Variants in MTHFD1 observed in about 807,000 individuals in gnomAD.
MTHFD1 encodes methylenetetrahydrofolate dehydrogenase, cyclohydrolase and formyltetrahydrofolate synthetase 1.
Under a neutral mutation model 110.3 loss-of-function variants are expected in MTHFD1, and 44 were observed. The ratio of observed to expected loss-of-function variants is 0.40; its 90% CI spans 0.31 to 0.51. MTHFD1 has a LOEUF of 0.51. MTHFD1 is among the 20% of genes least tolerant of loss of function. The probability of loss-of-function intolerance (pLI) is 0.60; values close to 1 mark genes in which losing one functional copy is unlikely to be tolerated. For synonymous variants in MTHFD1, 402 were observed against 428.8 expected (o/e 0.94, Z 0.77); for missense variants, 909 against 1,173.1 (o/e 0.77, Z 3.29).
intron 8 of MTHFD1, chr14:64,424,350 T>C (rs1232389431): frequency 4.7e-6 from 1 of 214,702 alleles, no homozygotes. Context: ...GGATGTTGAA[T>C]TGTTCCTCCA....
intron 17 of MTHFD1, 116 bp from the exon 18 acceptor site, chr14:64,440,010 T>C: frequency 1.2e-6 from 1 of 861,956 alleles, no homozygotes. Context: ...TATTCTGTTA[T>C]TCTATCCTTT....
chr14:64,453,014 A>G (rs902193399), intron 24 of MTHFD1, among the ~76,000 whole-genome samples: 5 of 151,976 alleles, frequency 3.3e-5, no homozygotes, highest in Non-Finnish European at 5.9e-5. Flanking sequence ...ATGAGCCACC[A>G]TACCCAGCCT....
chr14:64,409,894 C>T (rs943770166), intron 2 of MTHFD1, among the ~76,000 whole-genome samples: 5 of 152,192 alleles, frequency 3.3e-5, no homozygotes, highest in South Asian at 2.1e-4. Context: ...TTACAAAAGC[C>T]GGCTTCTTTC....
chr14:64,412,525 G>A lies in MTHFD1; in HGVS notation c.240G>A (p.Glu80=), dbSNP rs774367364. The A allele has an allele frequency of 6.2e-7, 1 of 1,612,568 alleles. No individual in the cohort carries two copies. Among genetic ancestry groups the A allele is most frequent in the Non-Finnish European group, 8.5e-7 (1 of 1,178,630 alleles). The change falls in exon 4 of 28, where the codon GAG becomes GAA. Residue 80 remains glutamate (E), a splice_region_variant and synonymous_variant. Transcript: ENST00000652337. Reference sequence around the variant, plus strand: ...TACCAAGAACAACCACAGAATCTGAGGTGAGCTTTTATGAGTTGATTGTGA... The same window carrying A: ...TACCAAGAACAACCACAGAATCTGAAGTGAGCTTTTATGAGTTGATTGTGA... The part of the protein sequence containing the change: ...IKLPRTTTES[E]VMKYITSLNE...
intron 23 of MTHFD1, 39 bp downstream of exon 23, chr14:64,448,356 A>G (rs781063644): frequency 6.9e-7 from 1 of 1,440,808 alleles, no homozygotes; most frequent in South Asian, 1.1e-5. Context: ...GAATGTGGAA[A>G]ATCTCCTGGA....
intron 1 of MTHFD1, among the ~76,000 whole-genome samples, chr14:64,394,621 C>T (rs1328301613): frequency 6.7e-6 from 1 of 150,368 alleles, no homozygotes; most frequent in African/African-American, 2.4e-5. Context: ...TGAGAGGTCC[C>T]AGGAGATAAG....
intron 22 of MTHFD1, 38 bp from the exon 23 acceptor site, chr14:64,448,177 ACT>A (rs749470976): frequency 2.7e-6 from 4 of 1,464,936 alleles, no homozygotes; most frequent in Non-Finnish European, 2.9e-6. Context: ...GTGGTTTTCA[ACT>A]CTCTGATCTC....
At chr14:64,430,458 T>C (rs1171614082) in intron 13 of MTHFD1, among the ~76,000 whole-genome samples, 1 of 152,032 alleles carries the variant, frequency 6.6e-6, no homozygotes, top group African/African-American at 2.4e-5. Context: ...ACCACCACGC[T>C]CAGCTAATTT....
chr14:64,392,475 C>G (rs1328294871), intron 1 of MTHFD1, among the ~76,000 whole-genome samples: 3 of 152,170 alleles, frequency 2.0e-5, no homozygotes, highest in Non-Finnish European at 4.4e-5. Flanking sequence ...TAAGCCTGCT[C>G]TCTCCATTGG....
At chr14:64,432,399 T>C (rs943127644) in intron 15 of MTHFD1, among the ~76,000 whole-genome samples, 1 of 152,238 alleles carries the variant, frequency 6.6e-6, no homozygotes, top group Non-Finnish European at 1.5e-5. Context: ...AAATGAAAAC[T>C]CTGTTCACAT....
chr14:64,439,271 G>A (rs2078230079), intron 17 of MTHFD1, 99 bp downstream of exon 17: 3 of 880,158 alleles, frequency 3.4e-6, no homozygotes, highest in Non-Finnish European at 5.6e-6. Context: ...ATACTGCCAG[G>A]TGTTGTTCTG....
rs373682324 is a variant in MTHFD1, at chr14:64,411,154, C to T, written c.186+5C>T. On this transcript the variant is annotated splice_donor_5th_base_variant and intron_variant, in intron 3 of 27. Coordinates refer to ENST00000652337, the MANE Select transcript of MTHFD1 (RefSeq NM_005956.4). ...AAGCTGAAGGCTGCTGAAGAGGTAA[C>T]GCCAGAAGAGCTGTGCCATCACCCT... The T allele has an allele frequency of 7.4e-5, 119 of 1,610,738 alleles. No homozygotes were observed. The highest frequency in any genetic ancestry group is 8.8e-5 in the South Asian group (8 of 91,048).
At chr14:64,389,935 T>A (rs1346936220) in intron 1 of MTHFD1, among the ~76,000 whole-genome samples, 1 of 152,218 alleles carries the variant, frequency 6.6e-6, no homozygotes, top group African/African-American at 2.4e-5. Context: ...AGTACAATAA[T>A]AATGCATCTG....
chr14:64,442,452 A>G (rs749989625), intron 21 of MTHFD1, 50 bp downstream of exon 21: 11 of 1,593,608 alleles, frequency 6.9e-6, no homozygotes, highest in Non-Finnish European at 8.6e-6. Context: ...CTGACGGCCA[A>G]AAGGAAGTTG....
intron 15 of MTHFD1, among the ~76,000 whole-genome samples, chr14:64,434,448 C>T (rs935601016): frequency 6.6e-6 from 1 of 151,998 alleles, no homozygotes; most frequent in Non-Finnish European, 1.5e-5. Flanking sequence ...CCCAGCTACT[C>T]GGGAGGCTAA....
At position 64,459,982 on chromosome 14, in the gene MTHFD1, G is replaced by C; in HGVS notation, c.*228G>C. ...CTGTTTACTTTAGTGACGTTCCACAGAATAAAAGGAAACAAGTTTGCCATC... is the reference window on the plus strand; with the variant it reads ...CTGTTTACTTTAGTGACGTTCCACACAATAAAAGGAAACAAGTTTGCCATC... On this transcript the variant is annotated 3_prime_UTR_variant, in exon 28 of 28. Coordinates refer to ENST00000652337, the MANE Select transcript of MTHFD1 (RefSeq NM_005956.4). The C allele has an allele frequency of 6.9e-7, 1 of 1,450,270 alleles. No homozygotes were observed. The highest frequency in any genetic ancestry group is 9.3e-7 in the Non-Finnish European group (1 of 1,076,486). The allele number at this position is 1,450,270 out of a possible 1,614,324, so 89.8% of individuals were successfully genotyped here. A position where few individuals can be genotyped will look rare whatever the true frequency, so the allele number is the denominator to read the frequency against.
In MTHFD1 at chr14:64,442,091, A is replaced by G. The variant is rs995480530; in HGVS notation, c.1922A>G (p.Asn641Ser). 4.3e-6 allele frequency: 7 copies of G among 1,614,072 alleles called. No homozygotes were observed. Among genetic ancestry groups the G allele is most frequent in the African/African-American group, 4.0e-5 (3 of 74,928 alleles). The change falls in exon 20 of 28, where the codon AAC (asparagine) becomes AGC (serine). Residue 641 changes from asparagine (N) to serine (S), a missense_variant. By Grantham distance (46) the Asn-to-Ser change is conservative. This residue lies in a region of MTHFD1 where 482 missense variants were observed against 646.0 expected (regional missense o/e 0.75). Transcript: ENST00000652337. The stretch of plus-strand genomic sequence containing the variant: ...TTTGTCCATGCTGGCCCGTTTGCCA[A>G]CATCGCACATGGCAATTCCTCCATC... ...PVFVHAGPFA[N>S]IAHGNSSIIA...
In MTHFD1 at chr14:64,391,827, C is replaced by T. The variant is rs189686076; in HGVS notation, c.41+3359C>T. Among the ~76,000 whole-genome samples the T allele has an allele frequency of 1.3e-3, 192 of 152,272 alleles. 2 individuals are homozygous for T. Among genetic ancestry groups the T allele is most frequent in the African/African-American group, 4.3e-3 (180 of 41,552 alleles). On this transcript the variant is annotated intron_variant, in intron 1 of 27. Transcript: ENST00000652337. ...ATTTATTCACTTACTCAACAAGTAG[C>T]TGTATGTGTCCCCTAAGCCAGGCAA...
chr14:64,421,857 C>T (rs1304532907), intron 8 of MTHFD1, among the ~76,000 whole-genome samples: 1 of 152,222 alleles, frequency 6.6e-6, no homozygotes, highest in Non-Finnish European at 1.5e-5. Context: ...GATCTCCTGA[C>T]CTCGTGATCC....
Sources: allele counts gnomAD v4.1 joint callset (sites outside exome capture counted in the v4.1 genomes callset), GRCh38; gene constraint gnomAD v4.1.1; regional missense constraint gnomAD v4.1.1; transcripts MANE v1.5; gene names NCBI Gene and HGNC (gene_info 2026-07-23, HGNC 2026-07-21).